ARHGEF10L: variants seen among roughly 807,000 people sequenced by gnomAD.
ARHGEF10L encodes Rho guanine nucleotide exchange factor 10 like.
A neutral mutation model predicts 141.2 loss-of-function variants in ARHGEF10L; 69 were observed. That is an observed-to-expected ratio of 0.49 (90% CI 0.40 to 0.60). ARHGEF10L has a LOEUF of 0.60. ARHGEF10L is among the 20% of genes least tolerant of loss of function. The pLI is 0.00. For synonymous variants in ARHGEF10L, 711 were observed against 718.5 expected (o/e 0.99, Z 0.17); for missense variants, 1,482 against 1,734.3 (o/e 0.85, Z 2.58).
At chr1:17,608,458 C>CTT (rs1570867969) in intron 7 of ARHGEF10L, among the ~76,000 whole-genome samples, 2 of 152,348 alleles carry the variant, frequency 1.3e-5, no homozygotes, top group East Asian at 3.9e-4. Flanking sequence ...GTGGGGGCTG[C>CTT]TGTGGCTAAG....
At chr1:17,632,948 G>T (rs2060786364) in intron 16 of ARHGEF10L, among the ~76,000 whole-genome samples, 1 of 152,212 alleles carries the variant, frequency 6.6e-6, no homozygotes, top group Admixed American at 6.5e-5. Flanking sequence ...TTGTGGAAAT[G>T]CCCAAAGCCC....
In ARHGEF10L at chr1:17,696,905, C is replaced by G; in HGVS notation, c.3365C>G (p.Ala1122Gly). 6.2e-7 allele frequency: 1 copy of G among 1,606,082 alleles called. No individual in the cohort carries two copies. The highest frequency in any genetic ancestry group is 8.5e-7 in the Non-Finnish European group (1 of 1,176,008). The change falls in exon 29 of 29, where the codon GCT (alanine) becomes GGT (glycine). Residue 1122 changes from alanine (A) to glycine (G), a missense_variant. This residue lies in a region of ARHGEF10L where 858 missense variants were observed against 966.3 expected (regional missense o/e 0.89). Coordinates refer to ENST00000361221, the MANE Select transcript of ARHGEF10L (RefSeq NM_018125.4). ...GGGCCTGTGGCCTTCCTGGCTGTGG[C>G]TACCAGCATCCTGGCCCCTGACATC... The part of the protein sequence containing the change: ...HCGPVAFLAV[A>G]TSILAPDILR...
intron 21 of ARHGEF10L, among the ~76,000 whole-genome samples, chr1:17,647,358 A>G (rs1048729663): frequency 2.6e-5 from 4 of 152,214 alleles, no homozygotes; most frequent in Non-Finnish European, 4.4e-5. Context: ...GCCAGGGCAT[A>G]GACGGCGGCG....
In ARHGEF10L at chr1:17,603,684, C is replaced by A. The variant is rs2080909021; in HGVS notation, c.433+93C>A. 3.5e-6 allele frequency: 4 copies of A among 1,155,310 alleles called. No homozygotes were observed. Among genetic ancestry groups the A allele is most frequent in the Non-Finnish European group, 4.8e-6 (4 of 835,822 alleles). The allele number at this position is 1,155,310 out of a possible 1,614,324, so 71.6% of individuals were successfully genotyped here. On this transcript the variant is annotated intron_variant, in intron 6 of 28. Coordinates refer to ENST00000361221, the MANE Select transcript of ARHGEF10L (RefSeq NM_018125.4). The surrounding 1 kb of genome is among the most constrained non-coding windows in gnomAD (Gnocchi z 4.8). The stretch of plus-strand genomic sequence containing the variant: ...TTGTCTCTTTCCGTTTCCTTCTGTC[C>A]CCACCTGGCCAAGTGCCCCTCCTTC...
intron 15 of ARHGEF10L, among the ~76,000 whole-genome samples, chr1:17,630,944 G>C (rs78012152): frequency 0.11 from 16,653 of 150,876 alleles, 1,050 homozygotes; most frequent in Middle Eastern, 0.15. Flanking sequence ...CTCTGGGGAG[G>C]CTCAGGGTGT....
intron 1 of ARHGEF10L, among the ~76,000 whole-genome samples, chr1:17,561,587 G>A (rs1318259558): frequency 6.6e-6 from 1 of 152,226 alleles, no homozygotes; most frequent in African/African-American, 2.4e-5. Context: ...GAGCCAGGCT[G>A]ACCCCCAGCC....
chr1:17,528,640 C>A, the ARHGEF10L span, among the ~76,000 whole-genome samples: 1 of 152,190 alleles, frequency 6.6e-6, no homozygotes, highest in Admixed American at 6.5e-5. Context: ...TCCATCCATT[C>A]ATTCATCTGA....
chr1:17,565,699 C>T (rs185881435), intron 1 of ARHGEF10L, among the ~76,000 whole-genome samples: 1 of 152,336 alleles, frequency 6.6e-6, no homozygotes, highest in East Asian at 1.9e-4. Flanking sequence ...GGCTCCGGGA[C>T]ACAGGGCAGG....
rs1298997631 is a variant in ARHGEF10L at position 17,541,179 on chromosome 1, C to G, written c.-44+1229C>G. On this transcript the variant is annotated intron_variant, in intron 1 of 28. Coordinates refer to ENST00000361221, the MANE Select transcript of ARHGEF10L (RefSeq NM_018125.4). ...GTCCCTTCCCCTTCCACCAAAGAGCCTCTGTGGGCTGTTCTCTCTATCCAG... is the reference window on the plus strand; with the variant it reads ...GTCCCTTCCCCTTCCACCAAAGAGCGTCTGTGGGCTGTTCTCTCTATCCAG... 2.6e-5 allele frequency among the ~76,000 whole-genome samples: 4 copies of G among 152,206 alleles called. No individual in the cohort carries two copies. In the East Asian group the frequency reaches 7.7e-4, roughly 29 times the overall value.
intron 1 of ARHGEF10L, among the ~76,000 whole-genome samples, chr1:17,556,273 G>C (rs867164328): frequency 2.0e-5 from 1 of 50,790 alleles, no homozygotes; most frequent in Non-Finnish European, 3.7e-5. Context: ...GCATGGCGGC[G>C]GGGGGGGGGC....
chr1:17,608,734 C>T (rs1352900836), intron 7 of ARHGEF10L, among the ~76,000 whole-genome samples: 1 of 152,200 alleles, frequency 6.6e-6, no homozygotes, highest in Non-Finnish European at 1.5e-5. Context: ...CTTACAGGCC[C>T]TGACTGAGCA....
chr1:17,538,129 C>T (rs2076606966), upstream of ARHGEF10L, among the ~76,000 whole-genome samples: 1 of 152,138 alleles, frequency 6.6e-6, no homozygotes, highest in Non-Finnish European at 1.5e-5. Flanking sequence ...CTGTGAAAGA[C>T]CGCGATGCTG....
At chr1:17,649,469 C>T (rs923410233) in intron 22 of ARHGEF10L, among the ~76,000 whole-genome samples, 1 of 152,182 alleles carries the variant, frequency 6.6e-6, no homozygotes, top group Admixed American at 6.5e-5. Flanking sequence ...CCAAGAGATG[C>T]GCCGATTGGG....
At chr1:17,556,573 T>C (rs2077336057) in intron 1 of ARHGEF10L, among the ~76,000 whole-genome samples, 1 of 152,152 alleles carries the variant, frequency 6.6e-6, no homozygotes, top group African/African-American at 2.4e-5. Context: ...ATCAGGAACT[T>C]TTCTCTCTCA....
At chr1:17,636,235 G>A (rs546052980) in intron 18 of ARHGEF10L, among the ~76,000 whole-genome samples, 7 of 152,266 alleles carry the variant, frequency 4.6e-5, no homozygotes, top group East Asian at 1.9e-4. Context: ...GTCTGTGGCC[G>A]CATTCCTCAA....
intron 27 of ARHGEF10L, chr1:17,694,441 C>T (rs2065339354): frequency 6.0e-6 from 1 of 167,544 alleles, no homozygotes. Flanking sequence ...GGCATCCTCT[C>T]TGTTAGGAGC....
chr1:17,635,835 C>G (rs2060965540), intron 18 of ARHGEF10L, among the ~76,000 whole-genome samples: 1 of 152,108 alleles, frequency 6.6e-6, no homozygotes, highest in Non-Finnish European at 1.5e-5. Context: ...AGAAAGGAAC[C>G]CTGGTGCCCG....
the ARHGEF10L span, among the ~76,000 whole-genome samples, chr1:17,529,854 C>T: frequency 4.2e-5 from 5 of 117,696 alleles, no homozygotes; most frequent in Non-Finnish European, 6.6e-5. Flanking sequence ...TTTTTTGAGA[C>T]GCAATCTTGC....
intron 26 of ARHGEF10L, among the ~76,000 whole-genome samples, chr1:17,670,009 A>C (rs752410995): frequency 6.6e-5 from 10 of 152,260 alleles, no homozygotes; most frequent in Non-Finnish European, 1.3e-4. Flanking sequence ...GGAGGCCAGG[A>C]TCCCCGAGCT....
Sources: gnomAD v4.1 joint callset for allele counts (sites outside exome capture counted in the v4.1 genomes callset) on GRCh38, gnomAD v4.1.1 for gene constraint, gnomAD v4.1.1 regional missense constraint, Gnocchi (gnomAD v3.1) non-coding constraint, MANE v1.5 for transcripts, NCBI Gene and HGNC (gene_info 2026-07-23, HGNC 2026-07-21) for gene names.